HPSE2: variants seen among roughly 807,000 people sequenced by gnomAD.
HPSE2 encodes the protein inactive heparanase-2.
In HPSE2, 38 loss-of-function variants were observed where a neutral mutation model predicts 60.5. That is an observed-to-expected ratio of 0.63 (90% CI 0.48 to 0.82). The LOEUF is 0.82. HPSE2 is among the 40% of genes least tolerant of loss of function. HPSE2 has a pLI of 0.00. For missense variants in HPSE2, 713 were observed against 740.4 expected (o/e 0.96, Z 0.43); for synonymous variants, 295 against 293.2 (o/e 1.01, Z -0.06).
chr10:99,149,566 A>T (rs557065281), intron 2 of HPSE2, among the ~76,000 whole-genome samples: 4 of 152,212 alleles, frequency 2.6e-5, no homozygotes, highest in Non-Finnish European at 5.9e-5. Context: ...GCTTAATTGT[A>T]ATGAACTTAT....
intron 3 of HPSE2, among the ~76,000 whole-genome samples, chr10:98,817,185 T>C (rs1951311450): frequency 6.6e-6 from 1 of 152,152 alleles, no homozygotes; most frequent in South Asian, 2.1e-4. Context: ...TTTCCTATTA[T>C]TTGGAAATTT....
chr10:99,260,858 C>G, the HPSE2 span, among the ~76,000 whole-genome samples: 1 of 152,158 alleles, frequency 6.6e-6, no homozygotes, highest in Non-Finnish European at 1.5e-5. Flanking sequence ...ACCTCCATTC[C>G]TCCTTCTTCT....
chr10:99,187,026 C>A (rs952455046), intron 2 of HPSE2, among the ~76,000 whole-genome samples: 3 of 152,046 alleles, frequency 2.0e-5, no homozygotes, highest in Non-Finnish European at 4.4e-5. Flanking sequence ...TCAAGCAATC[C>A]CCAAACCTCA....
At chr10:98,919,761 T>C (rs552521207) in intron 3 of HPSE2, among the ~76,000 whole-genome samples, 1 of 151,756 alleles carries the variant, frequency 6.6e-6, no homozygotes, top group Non-Finnish European at 1.5e-5. Flanking sequence ...CCAGAAAAAA[T>C]AAAAATAAAA....
intron 3 of HPSE2, among the ~76,000 whole-genome samples, chr10:98,745,196 C>T (rs10883187): frequency 0.038 from 5,790 of 152,114 alleles, 240 homozygotes; most frequent in East Asian, 0.17. Flanking sequence ...AGTGAGGCTC[C>T]GTCTCAAATA....
At position 98,507,457 on chromosome 10, in the gene HPSE2, T is replaced by C. The variant is rs115244030; in HGVS notation, c.1321-17261A>G. ...TTTTACCCAAAGAGAGAAGAGTTTA[T>C]GATGATTTGCTGTTAGTTTACCATG... On this transcript the variant is annotated intron_variant, in intron 9 of 11. Transcript: ENST00000370552. Among the ~76,000 whole-genome samples, 1,294 of 152,320 alleles carry C rather than the reference T, an allele frequency of 8.5e-3. 14 individuals are homozygous for C. Among genetic ancestry groups the C allele is most frequent in the African/African-American group, 0.03 (1,255 of 41,550 alleles).
At chr10:99,279,971 T>C in the HPSE2 span, among the ~76,000 whole-genome samples, 2 of 152,156 alleles carry the variant, frequency 1.3e-5, no homozygotes, top group South Asian at 2.1e-4. Flanking sequence ...AGCAAATCCT[T>C]TGGAGACTCC....
At chr10:99,116,184 C>T (rs1399764664) in intron 3 of HPSE2, among the ~76,000 whole-genome samples, 2 of 151,776 alleles carry the variant, frequency 1.3e-5, no homozygotes, top group Non-Finnish European at 2.9e-5. Context: ...CTAATCCTTA[C>T]GTACATCCTA....
chr10:99,170,038 A>ATTTATGTATTGGT (rs1847249403), intron 2 of HPSE2, among the ~76,000 whole-genome samples: 1 of 152,206 alleles, frequency 6.6e-6, no homozygotes, highest in Non-Finnish European at 1.5e-5. Context: ...ATACAAAAAC[A>ATTTATGTATTGGT]GGTGGTGGCA....
At position 98,814,744 on chromosome 10, in the gene HPSE2, T is replaced by C. The variant is rs150443031; in HGVS notation, c.611-70688A>G. ...CAGCAGAGTTTTATTAATTTAACTA[T>C]GGCAGACAATTCTCTTCAGCAGTAG... is the stretch of plus-strand genomic sequence containing the variant. On this transcript the variant is annotated intron_variant, in intron 3 of 11. Transcript: ENST00000370552. Among the ~76,000 whole-genome samples the C allele has an allele frequency of 1.3e-3, 197 of 152,340 alleles. 1 individual carries two copies. Among genetic ancestry groups the C allele is most frequent in the Middle Eastern group, 0.01 (3 of 294 alleles).
At chr10:99,003,971 T>C (rs1956834953) in intron 3 of HPSE2, among the ~76,000 whole-genome samples, 1 of 152,128 alleles carries the variant, frequency 6.6e-6, no homozygotes, top group South Asian at 2.1e-4. Context: ...TTTGTATATG[T>C]TGTGAGACAA....
chr10:98,815,007 C>T (rs10883209), intron 3 of HPSE2, among the ~76,000 whole-genome samples: 114,294 of 152,248 alleles, frequency 0.75, 43,501 homozygotes, highest in Non-Finnish European at 0.83. Context: ...GGCAGTTGCC[C>T]GAGCCTGTCC....
chr10:98,945,439 T>C (rs1413263036), intron 3 of HPSE2, among the ~76,000 whole-genome samples: 1 of 152,178 alleles, frequency 6.6e-6, no homozygotes, highest in Non-Finnish European at 1.5e-5. Context: ...TACAGAAAGA[T>C]TCTCTCATTG....
At chr10:98,998,339 C>T (rs1956696817) in intron 3 of HPSE2, among the ~76,000 whole-genome samples, 1 of 152,064 alleles carries the variant, frequency 6.6e-6, no homozygotes. Context: ...AGTGGTTTTT[C>T]CTGTGATAGT....
chr10:98,549,953 T>C (rs1382171642), intron 9 of HPSE2, among the ~76,000 whole-genome samples: 1 of 151,746 alleles, frequency 6.6e-6, no homozygotes, highest in Non-Finnish European at 1.5e-5. Context: ...ATCCCTGGCC[T>C]GATACCTGAG....
intron 9 of HPSE2, among the ~76,000 whole-genome samples, chr10:98,503,336 A>G (rs12779386): frequency 0.25 from 38,118 of 152,154 alleles, 5,262 homozygotes; most frequent in East Asian, 0.42. Context: ...TCCTACAAGA[A>G]TGGCTGTAAT....
At chr10:99,014,922 T>C (rs947945929) in intron 3 of HPSE2, among the ~76,000 whole-genome samples, 27 of 152,142 alleles carry the variant, frequency 1.8e-4, no homozygotes, top group Admixed American at 7.2e-4. Context: ...AATCTACTCA[T>C]CTGACAAAGG....
chr10:98,579,040 G>A (rs1944717333), intron 9 of HPSE2, among the ~76,000 whole-genome samples: 9 of 152,138 alleles, frequency 5.9e-5, no homozygotes. Flanking sequence ...TATATAATGT[G>A]GGGCTCCCAG....
At chr10:98,618,719 G>A (rs1945990038) in intron 8 of HPSE2, among the ~76,000 whole-genome samples, 1 of 152,320 alleles carries the variant, frequency 6.6e-6, no homozygotes, top group South Asian at 2.1e-4. Context: ...TGGGACTACA[G>A]GCGCATGCCA....
Sources: allele counts gnomAD v4.1 joint callset (sites outside exome capture counted in the v4.1 genomes callset), GRCh38; gene constraint gnomAD v4.1.1; transcripts MANE v1.5; gene names NCBI Gene and HGNC (gene_info 2026-07-23, HGNC 2026-07-21).